Variants in VAV3 observed in about 807,000 individuals in gnomAD.
VAV3 encodes the protein vav guanine nucleotide exchange factor 3.
VAV3 carries 94 observed loss-of-function variants against 131.2 expected under a neutral mutation model. That is an observed-to-expected ratio of 0.72 (90% CI 0.61 to 0.85). VAV3 has a LOEUF of 0.85. Among genes scored for constraint, VAV3 ranks in the 40% least tolerant of loss-of-function variants. VAV3 has a pLI of 0.00. For synonymous variants in VAV3, 349 were observed against 342.0 expected, an observed-to-expected ratio of 1.02 and a Z score of -0.22; for missense variants, 939 against 1,002.7, an observed-to-expected ratio of 0.94 and a Z score of 0.86.
chr1:107,630,577 T>A (rs776405755), intron 20 of VAV3, among the ~76,000 whole-genome samples: 5 of 152,154 alleles, frequency 3.3e-5, no homozygotes, highest in Non-Finnish European at 7.4e-5. Flanking sequence ...CCTAAACACA[T>A]AACTTGCTTC....
chr1:107,772,239 G>C (rs1325572648), intron 5 of VAV3, among the ~76,000 whole-genome samples: 5 of 152,130 alleles, frequency 3.3e-5, no homozygotes, highest in African/African-American at 1.2e-4. Context: ...GACAATATCT[G>C]AAACTAAATT....
intron 2 of VAV3, among the ~76,000 whole-genome samples, chr1:107,801,776 C>T (rs527290804): frequency 2.6e-5 from 4 of 152,140 alleles, no homozygotes; most frequent in Non-Finnish European, 5.9e-5. Context: ...TGGGGGCTGC[C>T]AGATTCATGA....
chr1:107,617,664 A>C, intron 20 of VAV3, 32 bp from the exon 21 acceptor site: 1 of 1,601,172 alleles, frequency 6.2e-7, no homozygotes, highest in South Asian at 1.1e-5. Context: ...CAGTGTTGAG[A>C]ACAAATTTAC....
At chr1:107,605,016 T>C (rs1185758490) in intron 22 of VAV3, among the ~76,000 whole-genome samples, 3 of 152,202 alleles carry the variant, frequency 2.0e-5, no homozygotes, top group Non-Finnish European at 4.4e-5. Context: ...CTCTTGTCTT[T>C]CTGTAACCTC....
chr1:107,665,386 C>A (rs571997766), intron 19 of VAV3, among the ~76,000 whole-genome samples: 13 of 152,232 alleles, frequency 8.5e-5, no homozygotes, highest in African/African-American at 3.1e-4. Context: ...CATGGGCCAG[C>A]AATTCTCAGC....
chr1:107,611,938 G>A lies in VAV3; in HGVS notation c.1981-1973C>T, dbSNP rs533861828. On this transcript the variant is annotated intron_variant, in intron 21 of 26. Coordinates refer to ENST00000370056, the MANE Select transcript of VAV3 (RefSeq NM_006113.5). The stretch of plus-strand genomic sequence containing the variant: ...TCTGTGTACTATGGGTCCTTGTCTG[G>A]CAAGTACTTCATATTTAAGATTACA... Among the ~76,000 whole-genome samples, 143 of 152,080 alleles carry A rather than the reference G, an allele frequency of 9.4e-4. 1 individual carries two copies. Among genetic ancestry groups the A allele is most frequent in the African/African-American group, 3.3e-3 (139 of 41,504 alleles).
chr1:107,775,142 G>A (rs1220813046), intron 4 of VAV3, among the ~76,000 whole-genome samples: 2 of 152,168 alleles, frequency 1.3e-5, no homozygotes, highest in African/African-American at 4.8e-5. Context: ...GCCAATTCAG[G>A]AAACCAAGGT....
chr1:107,703,282 T>C (rs1660245500), intron 17 of VAV3, among the ~76,000 whole-genome samples: 1 of 152,244 alleles, frequency 6.6e-6, no homozygotes, highest in African/African-American at 2.4e-5. Flanking sequence ...TTTTTATTTC[T>C]ATTATATTTT....
chr1:107,798,780 A>C (rs1666686999), intron 2 of VAV3, among the ~76,000 whole-genome samples: 2 of 150,994 alleles, frequency 1.3e-5, no homozygotes, highest in African/African-American at 4.9e-5. Context: ...AATGGTGACT[A>C]TCTAGGAGGT....
At chr1:107,701,015 T>C (rs1463610580) in intron 17 of VAV3, among the ~76,000 whole-genome samples, 1 of 152,212 alleles carries the variant, frequency 6.6e-6, no homozygotes, top group Non-Finnish European at 1.5e-5. Context: ...AGATGGTATC[T>C]TATTGTGGTT....
chr1:107,741,923 T>G (rs1208527347), intron 15 of VAV3, among the ~76,000 whole-genome samples: 1 of 152,176 alleles, frequency 6.6e-6, no homozygotes, highest in Non-Finnish European at 1.5e-5. Flanking sequence ...TCCAAAAATT[T>G]TATCCAAGCA....
intron 2 of VAV3, among the ~76,000 whole-genome samples, chr1:107,869,784 T>A (rs1196953307): frequency 6.6e-6 from 1 of 152,190 alleles, no homozygotes; most frequent in East Asian, 1.9e-4. Flanking sequence ...TGCAGTCTTT[T>A]ATCCCTCACC....
chr1:107,600,530 T>C (rs1258126633), intron 24 of VAV3, among the ~76,000 whole-genome samples: 1 of 152,250 alleles, frequency 6.6e-6, no homozygotes, highest in Non-Finnish European at 1.5e-5. Flanking sequence ...TGAGATTTTA[T>C]ACATAACATA....
intron 19 of VAV3, among the ~76,000 whole-genome samples, chr1:107,654,723 T>C (rs923651388): frequency 1.3e-5 from 2 of 152,056 alleles, no homozygotes; most frequent in Non-Finnish European, 2.9e-5. Flanking sequence ...AATTATATTA[T>C]GGTTTTCACT....
At chr1:107,909,483 T>C (rs1352059257) in intron 1 of VAV3, among the ~76,000 whole-genome samples, 3 of 152,194 alleles carry the variant, frequency 2.0e-5, no homozygotes, top group African/African-American at 7.2e-5. Flanking sequence ...CCGAGCTTTA[T>C]ATTTCCATTA....
At chr1:107,771,920 C>T (rs1665072192) in intron 5 of VAV3, among the ~76,000 whole-genome samples, 1 of 152,202 alleles carries the variant, frequency 6.6e-6, no homozygotes, top group African/African-American at 2.4e-5. Context: ...GCGTTATATT[C>T]CTCAAACACA....
rs12090313 is a variant in VAV3, at chr1:107,886,893, C to T, written c.205-11876G>A. 4.1e-3 allele frequency among the ~76,000 whole-genome samples: 623 copies of T among 151,776 alleles called. 5 individuals are homozygous for T. Among genetic ancestry groups the T allele is most frequent in the African/African-American group, 0.014 (585 of 41,392 alleles). ...ATTTGCCATGGGAAAGAAAAACTAT[C>T]AGAAAAATTAAGTTTAAAAAAAATA... is the stretch of plus-strand genomic sequence containing the variant. On this transcript the variant is annotated intron_variant, in intron 1 of 26. Transcript: ENST00000370056.
intron 24 of VAV3, among the ~76,000 whole-genome samples, chr1:107,596,736 A>T (rs977826796): frequency 6.6e-6 from 1 of 152,206 alleles, no homozygotes; most frequent in Non-Finnish European, 1.5e-5. Flanking sequence ...AATATACAGC[A>T]ATTTCTACTT....
At chr1:107,674,318 T>G (rs904997128) in intron 19 of VAV3, among the ~76,000 whole-genome samples, 2 of 152,244 alleles carry the variant, frequency 1.3e-5, no homozygotes, top group Non-Finnish European at 2.9e-5. Flanking sequence ...TCTAATTAGC[T>G]GCCTTATCTT....
Sources: gnomAD v4.1 joint callset for allele counts (sites outside exome capture counted in the v4.1 genomes callset) on GRCh38, gnomAD v4.1.1 for gene constraint, MANE v1.5 for transcripts, NCBI Gene and HGNC (gene_info 2026-07-23, HGNC 2026-07-21) for gene names.